Variants in DNAH8 observed in about 807,000 individuals in gnomAD.
DNAH8 encodes the protein axonemal beta dynein heavy chain 8.
Under a neutral mutation model 562.1 loss-of-function variants are expected in DNAH8, and 382 were observed. That is an observed-to-expected ratio of 0.68 (90% CI 0.63 to 0.74). The LOEUF is 0.74. Ranked by LOEUF, DNAH8 falls within the 30% of genes least tolerant of loss-of-function variation. DNAH8 has a pLI of 0.00. For missense variants in DNAH8, 5,203 were observed against 5,620.4 expected (o/e 0.93, Z 2.37); for synonymous variants, 1,881 against 1,919.4 (o/e 0.98, Z 0.52).
intron 89 of DNAH8, 46 bp from the exon 90 acceptor site, chr6:39,012,167 ATG>A (rs750375171): frequency 1.4e-6 from 2 of 1,397,658 alleles, no homozygotes; most frequent in South Asian, 2.6e-5. Context: ...TGGAAGAGAA[ATG>A]TCAGATGAGA....
chr6:38,849,171 G>A (rs1326119239), intron 37 of DNAH8, among the ~76,000 whole-genome samples: 11 of 152,094 alleles, frequency 7.2e-5, no homozygotes, highest in Non-Finnish European at 1.5e-4. Context: ...GAATAATCTC[G>A]AGGTTGTTTG....
At chr6:38,935,821 C>T (rs1213129964) in intron 77 of DNAH8, 124 bp downstream of exon 77, 1 of 649,516 alleles carries the variant, frequency 1.5e-6, no homozygotes, top group Non-Finnish European at 2.5e-6. Flanking sequence ...CAAAAACAAG[C>T]AAGGCAATTT....
chr6:38,978,210 G>A (rs1763800109), intron 85 of DNAH8, among the ~76,000 whole-genome samples: 1 of 151,908 alleles, frequency 6.6e-6, no homozygotes. Context: ...GATCTCTAAG[G>A]GCCTATAGTG....
intron 85 of DNAH8, among the ~76,000 whole-genome samples, chr6:38,975,708 C>T (rs1179172727): frequency 3.9e-5 from 6 of 152,210 alleles, no homozygotes; most frequent in African/African-American, 1.4e-4. Flanking sequence ...GCTTTCAAGT[C>T]ACAGAAGCCT....
intron 41 of DNAH8, among the ~76,000 whole-genome samples, chr6:38,853,609 A>T (rs1775940562): frequency 6.6e-6 from 1 of 152,106 alleles, no homozygotes; most frequent in Non-Finnish European, 1.5e-5. Flanking sequence ...AGTCTAATAG[A>T]TACATATGTA....
At chr6:38,927,991 GA>G (rs1357884411) in intron 74 of DNAH8, 2 of 152,122 alleles carry the variant, frequency 1.3e-5, no homozygotes, top group Non-Finnish European at 2.9e-5. Flanking sequence ...ACATGCAAAT[GA>G]AAAACAAAGC....
At chr6:38,860,761 C>T (rs1403674615) in intron 43 of DNAH8, 132 bp downstream of exon 43, 6 of 536,532 alleles carry the variant, frequency 1.1e-5, no homozygotes, top group Non-Finnish European at 1.5e-5. Flanking sequence ...TTAAAGTCAG[C>T]CTAACAATGA....
At position 38,788,371 on chromosome 6, in the gene DNAH8, C is replaced by T. The variant is rs539879434; in HGVS notation, c.2583+1419C>T. Among the ~76,000 whole-genome samples the T allele has an allele frequency of 2.2e-4, 34 of 152,180 alleles. 1 individual carries two copies. In the South Asian group the frequency reaches 5.6e-3, roughly 25 times the overall value. On this transcript the variant is annotated intron_variant, in intron 18 of 92. Transcript: ENST00000327475. ...TTCACCATGTTGGCCAGGATGGTCT[C>T]GATCTCTTGACCTTGTGACCCACCC... is the stretch of plus-strand genomic sequence containing the variant.
chr6:38,793,306 A>G (rs977509989), intron 21 of DNAH8, among the ~76,000 whole-genome samples: 2 of 152,086 alleles, frequency 1.3e-5, no homozygotes, highest in African/African-American at 2.4e-5. Flanking sequence ...AGTGTGAGCC[A>G]CCTTGCCTGT....
chr6:38,982,547 GTGAATTTGC>G (rs1272684876), intron 86 of DNAH8, 85 bp downstream of exon 86: 1 of 796,916 alleles, frequency 1.3e-6, no homozygotes, highest in African/African-American at 1.7e-5. Context: ...ATGATAAGGT[GTGAATTTGC>G]TGAGCCCCAT....
chr6:38,745,103 A>G (rs932695838), intron 8 of DNAH8, among the ~76,000 whole-genome samples: 3 of 152,204 alleles, frequency 2.0e-5, no homozygotes, highest in Admixed American at 2.0e-4. Flanking sequence ...TCCCCCAGAC[A>G]AAGAGCAGAA....
intron 12 of DNAH8, among the ~76,000 whole-genome samples, chr6:38,772,597 A>G (rs775554475): frequency 2.0e-5 from 3 of 152,160 alleles, no homozygotes; most frequent in Non-Finnish European, 4.4e-5. Context: ...TATGCTGGGT[A>G]TAACTTCCTT....
At chr6:38,956,396 G>A (rs1201695360) in intron 82 of DNAH8, among the ~76,000 whole-genome samples, 2 of 152,194 alleles carry the variant, frequency 1.3e-5, no homozygotes, top group Non-Finnish European at 2.9e-5. Flanking sequence ...CCCAGTCTCA[G>A]CTCCAGTTCC....
At chr6:38,785,024 T>C (rs559492726) in intron 17 of DNAH8, among the ~76,000 whole-genome samples, 1 of 152,356 alleles carries the variant, frequency 6.6e-6, no homozygotes, top group Admixed American at 6.5e-5. Flanking sequence ...TTGGCCTCTA[T>C]TGGGTGCACT....
intron 88 of DNAH8, among the ~76,000 whole-genome samples, chr6:38,998,608 G>T (rs544363850): frequency 6.6e-6 from 1 of 152,164 alleles, no homozygotes; most frequent in Non-Finnish European, 1.5e-5. Flanking sequence ...GTGCAAAGAC[G>T]TATGTAAATC....
rs116940477 is a variant in DNAH8 at position 39,016,573 on chromosome 6, G to A, written c.13714+3936G>A. On this transcript the variant is annotated intron_variant, in intron 91 of 92. Coordinates refer to ENST00000327475, the MANE Select transcript of DNAH8 (RefSeq NM_001206927.2). ...CTCAAAAAAAAAAAAAAAGAAAAAA[G>A]CCCTACATATTTAAGTAAAACACAG... Among the ~76,000 whole-genome samples, 1,651 of 149,686 alleles carry A rather than the reference G, an allele frequency of 0.011. 109 individuals carry two copies. The East Asian group carries it at 0.16, about 14-fold the overall frequency.
intron 68 of DNAH8, among the ~76,000 whole-genome samples, chr6:38,915,865 CACAT>C (rs1056609746): frequency 6.6e-6 from 1 of 151,484 alleles, no homozygotes; most frequent in Admixed American, 6.6e-5. Flanking sequence ...CACACACACA[CACAT>C]ACATACACAT....
chr6:38,832,650 G>A (rs1332503496), intron 31 of DNAH8, among the ~76,000 whole-genome samples: 3 of 152,162 alleles, frequency 2.0e-5, no homozygotes, highest in Non-Finnish European at 2.9e-5. Context: ...GAATTTTTCT[G>A]GGCCACACAT....
intron 60 of DNAH8, among the ~76,000 whole-genome samples, chr6:38,897,025 T>C (rs1474123228): frequency 6.6e-6 from 1 of 152,112 alleles, no homozygotes; most frequent in Non-Finnish European, 1.5e-5. Flanking sequence ...CTACCATGCC[T>C]GGCTAATTTT....
Sources: gnomAD v4.1 joint callset for allele counts (sites outside exome capture counted in the v4.1 genomes callset) on GRCh38, gnomAD v4.1.1 for gene constraint, MANE v1.5 for transcripts, NCBI Gene and HGNC (gene_info 2026-07-23, HGNC 2026-07-21) for gene names.